KLF4: variants seen among roughly 807,000 people sequenced by gnomAD.
KLF4 encodes Krueppel-like factor 4.
In KLF4, 14 loss-of-function variants were observed where a neutral mutation model predicts 38.0. The observed-to-expected ratio is 0.37, with a 90% CI of 0.24 to 0.58. KLF4 has a LOEUF of 0.58. Among genes scored for constraint, KLF4 ranks in the 20% least tolerant of loss-of-function variants. KLF4 has a pLI of 0.76. For synonymous variants in KLF4, 398 were observed against 302.5 expected (o/e 1.32, Z -3.28); for missense variants, 737 against 670.1 (o/e 1.10, Z -1.10).
In KLF4 at chr9:107,488,754, G is replaced by C. The variant is rs931980929; in HGVS notation, c.126+176C>G. On this transcript the variant is annotated intron_variant, in intron 2 of 4. Coordinates refer to ENST00000374672, the MANE Select transcript of KLF4 (RefSeq NM_004235.6). The surrounding 1 kb of genome is among the most constrained non-coding windows in gnomAD (Gnocchi z 5.7). ...GGCGGCTCCGCAGTGCTCGCACCAC[G>C]GGCATACACAGCTGAGCCAAGGACA... 6.6e-6 allele frequency among the ~76,000 whole-genome samples: 1 copy of C among 152,204 alleles called. No individual in the cohort carries two copies. Among genetic ancestry groups the C allele is most frequent in the African/African-American group, 2.4e-5 (1 of 41,454 alleles).
rs945840739 is a variant in KLF4, at chr9:107,487,551, C to G, written c.843G>C (p.Ala281=). The G allele has an allele frequency of 1.5e-5, 24 of 1,567,858 alleles. No homozygotes were observed. The highest frequency in any genetic ancestry group is 4.1e-5 in the African/African-American group (3 of 73,766). The change falls in exon 3 of 5, where the codon GCG becomes GCC. Residue 281 remains alanine, a synonymous_variant. Transcript: ENST00000374672. This position sits in a 1 kb window ranked among gnomAD's most constrained non-coding sequence, Gnocchi z 6.1. ...PRTCPKIKQE[A]VSSCTHLGAG... is the part of the protein sequence containing the mutation. ...CGCCCAAGTGGGTGCACGAAGAGACCGCCTCCTGCTTGATCTTGGGGCACG... is the reference window on the plus strand; with the variant it reads ...CGCCCAAGTGGGTGCACGAAGAGACGGCCTCCTGCTTGATCTTGGGGCACG...
chr9:107,486,642 ATTTT>A (rs138803751), intron 4 of KLF4, among the ~76,000 whole-genome samples: 1 of 152,062 alleles, frequency 6.6e-6, no homozygotes, highest in African/African-American at 2.4e-5. Flanking sequence ...TTAAAAAACG[ATTTT>A]TTTAAAAAAG....
Position 107,488,972 on chromosome 9 carries a change from C to T in KLF4, c.84G>A (p.Ala28=). Residue 28 remains alanine, a synonymous_variant, in exon 2 of 5, where the codon GCG becomes GCA. Transcript: ENST00000374672. This position sits in a 1 kb window ranked among gnomAD's most constrained non-coding sequence, Gnocchi z 5.7. ...PSFSTFASGP[A]GREKTLRQAG... ...CTTGACGCAGTGTCTTCTCCCTTCC[C>T]GCCGGGCCAGACGCGAACGTGGAGA... is the stretch of plus-strand genomic sequence containing the variant. The T allele has an allele frequency of 3.2e-6, 5 of 1,568,088 alleles. No homozygotes were observed. The highest frequency in any genetic ancestry group is 4.3e-6 in the Non-Finnish European group (5 of 1,156,100).
In KLF4 at chr9:107,487,864, G is replaced by A; in HGVS notation, c.530C>T (p.Ser177Phe). ...GAAGGGAGCCGTCGGAGGGGGAGCG[G>A]ACTCCCTGCCATAGAGGAGGCCTCC... is the stretch of plus-strand genomic sequence containing the variant. ...TGGGLLYGRE[S>F]APPPTAPFNL... Residue 177 changes from serine (S) to phenylalanine (F), a missense_variant, in exon 3 of 5, where the codon TCC becomes TTC. By Grantham distance (155) the Ser-to-Phe change is radical. This residue lies in a region of KLF4 where 695 missense variants were observed against 554.5 expected (regional missense o/e 1.25). Transcript: ENST00000374672. This position sits in a 1 kb window ranked among gnomAD's most constrained non-coding sequence, Gnocchi z 6.1. The A allele has an allele frequency of 6.5e-7, 1 of 1,532,468 alleles. No homozygotes were observed. Among genetic ancestry groups the A allele is most frequent in the Non-Finnish European group, 8.8e-7 (1 of 1,138,958 alleles). 94.9% of individuals were successfully genotyped at this position (1,532,468 alleles called of 1,614,324 possible). A position where few individuals can be genotyped will look rare whatever the true frequency, so the allele number is the denominator to read the frequency against.
Position 107,485,611 on chromosome 9 carries a change from AC to A in KLF4, c.*139del, listed in dbSNP as rs1829045562. The A allele has an allele frequency of 5.0e-6, 4 of 798,042 alleles. No individual in the cohort carries two copies. The highest frequency in any genetic ancestry group is 7.6e-6 in the Non-Finnish European group (4 of 528,300). 49.4% of individuals were successfully genotyped at this position (798,042 alleles called of 1,614,324 possible). A position where few individuals can be genotyped will look rare whatever the true frequency, so the allele number is the denominator to read the frequency against. On this transcript the variant is annotated 3_prime_UTR_variant, in exon 5 of 5. Coordinates refer to ENST00000374672, the MANE Select transcript of KLF4 (RefSeq NM_004235.6). This position sits in a 1 kb window ranked among gnomAD's most constrained non-coding sequence, Gnocchi z 4.9. ...CCTCATTTTTCCTGATTATCCACTC[AC>A]AAGATGACTCAGTTGGGAACTTGAC...
chr9:107,488,441 C>T lies in KLF4; in HGVS notation c.127-174G>A. 1 of 1,167,268 alleles carries T rather than the reference C, an allele frequency of 8.6e-7. No individual in the cohort carries two copies. The highest frequency in any genetic ancestry group is 1.2e-6 in the Non-Finnish European group (1 of 856,438). 72.3% of individuals were successfully genotyped at this position (1,167,268 alleles called of 1,614,324 possible). On this transcript the variant is annotated intron_variant, in intron 2 of 4. Transcript: ENST00000374672. This position sits in a 1 kb window ranked among gnomAD's most constrained non-coding sequence, Gnocchi z 5.7. ...CTGCAATCTCGGCCCACTCCCGGGT[C>T]GAAGAAGAGGTGATGCGTCTGTATT... is the stretch of plus-strand genomic sequence containing the variant.
At chr9:107,489,144 C>T in intron 1 of KLF4, 24 bp downstream of exon 1, 1 of 1,534,990 alleles carries the variant, frequency 6.5e-7, no homozygotes, top group Non-Finnish European at 8.8e-7. Flanking sequence ...CCTCCCTGCT[C>T]CCAGCGCCGC....
In KLF4 at chr9:107,487,686, G is replaced by A. The variant is rs772714572; in HGVS notation, c.708C>T (p.Ser236=). 5.0e-6 allele frequency: 8 copies of A among 1,604,968 alleles called. No homozygotes were observed. Among genetic ancestry groups the A allele is most frequent in the East Asian group, 2.2e-5 (1 of 44,676 alleles). Residue 236 remains serine (S), a synonymous_variant, in exon 3 of 5, where the codon AGC becomes AGT. Transcript: ENST00000374672. This position sits in a 1 kb window ranked among gnomAD's most constrained non-coding sequence, Gnocchi z 6.1. ...MGKFVLKASL[S]APGSEYGSPS... ...GGCTGCCGTACTCGCTGCCAGGGGC[G>A]CTCAGCGACGCCTTCAGCACGAACT...
In KLF4 at chr9:107,489,053, G is replaced by T. The variant is rs1432468376; in HGVS notation, c.6-3C>A. The T allele has an allele frequency of 6.4e-7, 1 of 1,553,824 alleles. No individual in the cohort carries two copies. The highest frequency in any genetic ancestry group is 1.4e-5 in the African/African-American group (1 of 73,288). On this transcript the variant is annotated splice_region_variant and splice_polypyrimidine_tract_variant and intron_variant, in intron 1 of 4. Transcript: ENST00000374672. ...TGTCAGACTCGCCAGGTGGCTGCCT[G>T]CGAGCAAGGCAGGGAGCGGAGACAG...
In KLF4 at chr9:107,487,215, G is replaced by T; in HGVS notation, c.1100-23C>A. 2 of 1,612,442 alleles carry T rather than the reference G, an allele frequency of 1.2e-6. No homozygotes were observed. The highest frequency in any genetic ancestry group is 1.7e-6 in the Non-Finnish European group (2 of 1,179,054). On this transcript the variant is annotated intron_variant, in intron 3 of 4. Coordinates refer to ENST00000374672, the MANE Select transcript of KLF4 (RefSeq NM_004235.6). This position sits in a 1 kb window ranked among gnomAD's most constrained non-coding sequence, Gnocchi z 6.1. ...GCTCTAGGGGTGAAGAAGGTGGGGT[G>T]AGCATCATCCCGTGTGTCCCGAAGT...
Position 107,487,696 on chromosome 9 carries a change from G to C in KLF4, c.698C>G (p.Ala233Gly). The C allele has an allele frequency of 6.2e-7, 1 of 1,605,296 alleles. No homozygotes were observed. The highest frequency in any genetic ancestry group is 8.5e-7 in the Non-Finnish European group (1 of 1,177,828). Residue 233 changes from alanine to glycine, a missense_variant, in exon 3 of 5, where the codon GCG (alanine) becomes GGG (glycine). Physicochemically the swap from Ala to Gly is moderately conservative, Grantham distance 60. Around this residue, in one of 2 missense-constraint regions of KLF4, gnomAD observed 695 missense variants for 554.5 expected, o/e 1.25. Transcript: ENST00000374672. This position sits in a 1 kb window ranked among gnomAD's most constrained non-coding sequence, Gnocchi z 6.1. The stretch of plus-strand genomic sequence containing the variant: ...CTCGCTGCCAGGGGCGCTCAGCGAC[G>C]CCTTCAGCACGAACTTGCCCATCAG... ...GGLMGKFVLK[A>G]SLSAPGSEYG...
Position 107,488,387 on chromosome 9 carries a change from G to A in KLF4, c.127-120C>T, listed in dbSNP as rs1463187206. The stretch of plus-strand genomic sequence containing the variant: ...CCAGACATGGGGACTGGTCAGGCAG[G>A]AAGCACCCGGGAACCCAGGGCGCCA... On this transcript the variant is annotated intron_variant, in intron 2 of 4. Transcript: ENST00000374672. This position sits in a 1 kb window ranked among gnomAD's most constrained non-coding sequence, Gnocchi z 5.7. 1 of 1,431,564 alleles carries A rather than the reference G, an allele frequency of 7.0e-7. No homozygotes were observed. Among genetic ancestry groups the A allele is most frequent in the Admixed American group, 2.9e-5 (1 of 35,042 alleles). The allele number at this position is 1,431,564 out of a possible 1,614,324, so 88.7% of individuals were successfully genotyped here. A position where few individuals can be genotyped will look rare whatever the true frequency, so the allele number is the denominator to read the frequency against.
At position 107,489,586 on chromosome 9, in the gene KLF4, G is replaced by A. The variant is rs1829157866; in HGVS notation, c.-414C>T. 2 of 200,030 alleles carry A rather than the reference G, an allele frequency of 1.0e-5. No individual in the cohort carries two copies. Among genetic ancestry groups the A allele is most frequent in the South Asian group, 1.9e-4 (1 of 5,166 alleles). 12.4% of individuals were successfully genotyped at this position (200,030 alleles called of 1,614,324 possible). A position where few individuals can be genotyped will look rare whatever the true frequency, so the allele number is the denominator to read the frequency against. ...GAACTGGTCGGCGGCGCAAGGCGCG[G>A]ACTCCGGTGAGTTGTGTGGAGCGCG... On this transcript the variant is annotated 5_prime_UTR_variant, in exon 1 of 5. Transcript: ENST00000374672.
rs1829103148 is a variant in KLF4 at position 107,487,826 on chromosome 9, T to C, written c.568A>G (p.Ile190Val). 2.0e-6 allele frequency: 3 copies of C among 1,529,620 alleles called. No individual in the cohort carries two copies. The highest frequency in any genetic ancestry group is 1.2e-5 in the South Asian group (1 of 81,320). 94.8% of individuals were successfully genotyped at this position (1,529,620 alleles called of 1,614,324 possible). The change falls in exon 3 of 5, where the codon ATC becomes GTC. Residue 190 changes from isoleucine to valine, a missense_variant. This residue lies in a region of KLF4 where 695 missense variants were observed against 554.5 expected (regional missense o/e 1.25). Transcript: ENST00000374672. This position sits in a 1 kb window ranked among gnomAD's most constrained non-coding sequence, Gnocchi z 6.1. ...CCGCCCGAGGGGCTCACGTCGTTGATGTCCGCCAGGTTGAAGGGAGCCGTC... is the reference window on the plus strand; with the variant it reads ...CCGCCCGAGGGGCTCACGTCGTTGACGTCCGCCAGGTTGAAGGGAGCCGTC... Reference protein sequence around the residue: ...PPTAPFNLADINDVSPSGGFV... With the variant: ...PPTAPFNLADVNDVSPSGGFV...
In KLF4 at chr9:107,489,067, G is replaced by C. The variant is rs1165406804; in HGVS notation, c.6-17C>G. On this transcript the variant is annotated splice_polypyrimidine_tract_variant and intron_variant, in intron 1 of 4. Coordinates refer to ENST00000374672, the MANE Select transcript of KLF4 (RefSeq NM_004235.6). ...GGTGGCTGCCTGCGAGCAAGGCAGG[G>C]AGCGGAGACAGGAGAGTCAGGGGCG... is the stretch of plus-strand genomic sequence containing the variant. 2 of 1,552,880 alleles carry C rather than the reference G, an allele frequency of 1.3e-6. No individual in the cohort carries two copies. The highest frequency in any genetic ancestry group is 1.7e-6 in the Non-Finnish European group (2 of 1,147,718).
Position 107,487,068 on chromosome 9 carries a change from T to G in KLF4, c.1224A>C (p.Thr408=). 1.2e-6 allele frequency: 2 copies of G among 1,614,128 alleles called. No individual in the cohort carries two copies. The highest frequency in any genetic ancestry group is 2.7e-5 in the African/African-American group (2 of 75,044). The part of the protein sequence containing the change: ...CDYAGCGKTY[T]KSSHLKAHLR... ...GGTGTGCCTTGAGATGGGAACTCTT[T>G]GTGTAGGTTTTGCCGCAGCCCGCGT... Residue 408 remains threonine (T), a synonymous_variant, in exon 4 of 5, where the codon ACA becomes ACC. Transcript: ENST00000374672. This position sits in a 1 kb window ranked among gnomAD's most constrained non-coding sequence, Gnocchi z 6.1.
chr9:107,488,043 C>G lies in KLF4; in HGVS notation c.351G>C (p.Pro117=). 6.2e-7 allele frequency: 1 copy of G among 1,611,802 alleles called. No individual in the cohort carries two copies. ...FILSNSLTHP[P]ESVAATVSSS... ...AGGACACGGTGGCGGCCACTGACTC[C>G]GGAGGATGGGTCAGCGAATTGGAGA... The change falls in exon 3 of 5, where the codon CCG becomes CCC. Residue 117 remains proline, a synonymous_variant. Transcript: ENST00000374672. This position sits in a 1 kb window ranked among gnomAD's most constrained non-coding sequence, Gnocchi z 5.7.
Position 107,485,019 on chromosome 9 carries a change from AAC to A in KLF4, c.*730_*731del, listed in dbSNP as rs1177580899. The stretch of plus-strand genomic sequence containing the variant: ...ATTAAGGCAAGGAACTATATAGAAA[AAC>A]ACATTTGTTCTGCTTAAGGCATACT... On this transcript the variant is annotated 3_prime_UTR_variant, in exon 5 of 5. Coordinates refer to ENST00000374672, the MANE Select transcript of KLF4 (RefSeq NM_004235.6). The surrounding 1 kb of genome is among the most constrained non-coding windows in gnomAD (Gnocchi z 4.9). 9.9e-6 allele frequency: 2 copies of A among 202,324 alleles called. No individual in the cohort carries two copies. Among genetic ancestry groups the A allele is most frequent in the African/African-American group, 4.6e-5 (2 of 43,652 alleles). 12.5% of individuals were successfully genotyped at this position (202,324 alleles called of 1,614,324 possible).
chr9:107,488,021 A>T lies in KLF4; in HGVS notation c.373T>A (p.Ser125Thr), dbSNP rs1254990920. The T allele has an allele frequency of 6.2e-7, 1 of 1,608,526 alleles. No individual in the cohort carries two copies. Among genetic ancestry groups the T allele is most frequent in the South Asian group, 1.1e-5 (1 of 90,618 alleles). Reference sequence around the variant, plus strand: ...GAAGAGGAGGCTGACGCTGACGAGGACACGGTGGCGGCCACTGACTCCGGA... The same window carrying T: ...GAAGAGGAGGCTGACGCTGACGAGGTCACGGTGGCGGCCACTGACTCCGGA... ...HPPESVAATV[S>T]SSASASSSSS... Residue 125 changes from serine (S) to threonine (T), a missense_variant, in exon 3 of 5, where the codon TCC becomes ACC. By Grantham distance (58) the Ser-to-Thr change is moderately conservative. This residue lies in a region of KLF4 where 695 missense variants were observed against 554.5 expected (regional missense o/e 1.25). Coordinates refer to ENST00000374672, the MANE Select transcript of KLF4 (RefSeq NM_004235.6). This position sits in a 1 kb window ranked among gnomAD's most constrained non-coding sequence, Gnocchi z 5.7.
Sources: gnomAD v4.1 joint callset for allele counts (sites outside exome capture counted in the v4.1 genomes callset) on GRCh38, gnomAD v4.1.1 for gene constraint, gnomAD v4.1.1 regional missense constraint, Gnocchi (gnomAD v3.1) non-coding constraint, MANE v1.5 for transcripts, NCBI Gene and HGNC (gene_info 2026-07-23, HGNC 2026-07-21) for gene names.